The following PTPRT variants were observed in gnomAD, a reference collection of about 807,000 sequenced individuals.
The protein encoded by PTPRT is receptor-type tyrosine-protein phosphatase T.
PTPRT carries 56 observed loss-of-function variants against 176.8 expected under a neutral mutation model. The observed-to-expected ratio is 0.32, with a 90% confidence interval of 0.26 to 0.40. PTPRT has a LOEUF of 0.40. Ranked by LOEUF, PTPRT falls within the 10% of genes least tolerant of loss-of-function variation. The pLI, the probability that PTPRT is intolerant of heterozygous loss-of-function variation, is 1.00. For synonymous variants in PTPRT, 783 were observed against 739.0 expected (o/e 1.06, Z -0.96); for missense variants, 1,540 against 1,908.2 (o/e 0.81, Z 3.60).
chr20:42,903,163 T>C (rs1203834756), intron 1 of PTPRT, among the ~76,000 whole-genome samples: 3 of 152,248 alleles, frequency 2.0e-5, no homozygotes, highest in African/African-American at 7.2e-5. Flanking sequence ...TAATCTTTGC[T>C]AGGCATCAGG....
At chr20:42,938,607 T>C (rs1454699101) in intron 1 of PTPRT, among the ~76,000 whole-genome samples, 2 of 152,136 alleles carry the variant, frequency 1.3e-5, no homozygotes, top group South Asian at 2.1e-4. Flanking sequence ...GCCTTTCCCT[T>C]CCTCTCTTCC....
chr20:42,805,622 A>G (rs2077594816), intron 2 of PTPRT, among the ~76,000 whole-genome samples: 1 of 152,152 alleles, frequency 6.6e-6, no homozygotes, highest in Admixed American at 6.5e-5. Context: ...GCTCCTGTAG[A>G]CGCCCCCCAG....
At chr20:42,824,556 C>G (rs1033235206) in intron 2 of PTPRT, among the ~76,000 whole-genome samples, 9 of 151,840 alleles carry the variant, frequency 5.9e-5, no homozygotes, top group African/African-American at 2.2e-4. Context: ...TACTGATTAA[C>G]TATAGTATTT....
chr20:42,331,988 C>T (rs1394507686), intron 11 of PTPRT, among the ~76,000 whole-genome samples: 1 of 151,842 alleles, frequency 6.6e-6, no homozygotes, highest in East Asian at 1.9e-4. Context: ...TGGTACCCAA[C>T]TGTACTTGTC....
intron 2 of PTPRT, among the ~76,000 whole-genome samples, chr20:42,819,198 A>G (rs1466437205): frequency 6.6e-6 from 1 of 152,160 alleles, no homozygotes; most frequent in Non-Finnish European, 1.5e-5. Context: ...CTAACAGTGG[A>G]CCTCTGGGCA....
rs563245638 is a variant in PTPRT, at chr20:43,135,375, G to A, written c.88+54271C>T. Among the ~76,000 whole-genome samples the A allele has an allele frequency of 2.4e-4, 36 of 152,260 alleles. No homozygotes were observed. The South Asian group carries it at 7.5e-3, about 32-fold the overall frequency. ...TTCTGACAGATGTTCATGATAGTAT[G>A]TGGGGAAAAAAAGGAACAGATCATG... On this transcript the variant is annotated intron_variant, in intron 1 of 30. Coordinates refer to ENST00000373187, the MANE Select transcript of PTPRT (RefSeq NM_007050.6).
chr20:42,149,216 A>G (rs1247487328), intron 17 of PTPRT, among the ~76,000 whole-genome samples: 1 of 152,154 alleles, frequency 6.6e-6, no homozygotes, highest in Non-Finnish European at 1.5e-5. Context: ...TTCAGAGGGA[A>G]CAGCAAGTGC....
chr20:42,248,314 G>A (rs191359667), intron 14 of PTPRT, among the ~76,000 whole-genome samples: 192 of 152,298 alleles, frequency 1.3e-3, no homozygotes, highest in Non-Finnish European at 1.8e-3. Context: ...CTGCAACTGC[G>A]TTTCTGGACT....
chr20:42,948,799 A>G (rs1450402309), intron 1 of PTPRT, among the ~76,000 whole-genome samples: 1 of 152,170 alleles, frequency 6.6e-6, no homozygotes, highest in Non-Finnish European at 1.5e-5. Flanking sequence ...ATCATGGATA[A>G]CCAACAACCC....
intron 9 of PTPRT, among the ~76,000 whole-genome samples, chr20:42,361,087 G>A (rs775493498): frequency 3.3e-5 from 5 of 152,150 alleles, no homozygotes; most frequent in Non-Finnish European, 5.9e-5. Flanking sequence ...CATCCTGTGT[G>A]AACAGTTTCT....
rs527461829 is a variant in PTPRT at position 43,184,925 on chromosome 20, A to C, written c.88+4721T>G. ...CATTTCTGCCTCTACTGGCAAATAA[A>C]AGTGTCCAGCAGGACCATATGAAAT... On this transcript the variant is annotated intron_variant, in intron 1 of 30. Coordinates refer to ENST00000373187, the MANE Select transcript of PTPRT (RefSeq NM_007050.6). 2.0e-5 allele frequency among the ~76,000 whole-genome samples: 3 copies of C among 152,302 alleles called. No individual in the cohort carries two copies. In the South Asian group the frequency reaches 6.2e-4, roughly 32 times the overall value.
Position 42,756,526 on chromosome 20 carries a change from G to A in PTPRT, c.795C>T (p.Tyr265=), listed in dbSNP as rs756485603. 1.9e-6 allele frequency: 3 copies of A among 1,612,522 alleles called. No homozygotes were observed. Among genetic ancestry groups the A allele is most frequent in the South Asian group, 2.2e-5 (2 of 90,906 alleles). The change falls in exon 6 of 31, where the codon TAC becomes TAT. Residue 265 remains tyrosine (Y), a synonymous_variant. Transcript: ENST00000373187. ...CACCATCAGAGCGGATCACACAGCG[G>A]TACTTGCTGACGCTCCGCTGGGCAG... ...ADTAQRSVSK[Y]RCVIRSDGGS... is the part of the protein sequence containing the mutation.
At chr20:42,778,786 A>G (rs1382339879) in intron 4 of PTPRT, among the ~76,000 whole-genome samples, 4 of 152,074 alleles carry the variant, frequency 2.6e-5, no homozygotes, top group Non-Finnish European at 4.4e-5. Context: ...TACTACATAA[A>G]CCCTGCATAG....
intron 2 of PTPRT, among the ~76,000 whole-genome samples, chr20:42,810,168 C>G (rs1364896568): frequency 6.6e-6 from 1 of 152,046 alleles, no homozygotes; most frequent in African/African-American, 2.4e-5. Flanking sequence ...GCAGCGTGCA[C>G]CTGTAGTCCC....
chr20:42,366,180 T>C (rs1323330231), intron 9 of PTPRT, among the ~76,000 whole-genome samples: 1 of 152,204 alleles, frequency 6.6e-6, no homozygotes, highest in East Asian at 1.9e-4. Flanking sequence ...ACCTAATTAA[T>C]GCTGAAGGTC....
chr20:42,552,680 T>G (rs976651437), intron 7 of PTPRT, among the ~76,000 whole-genome samples: 1 of 152,158 alleles, frequency 6.6e-6, no homozygotes, highest in African/African-American at 2.4e-5. Context: ...TGGAAAATAT[T>G]TGCCATGCAT....
chr20:42,411,847 CA>C (rs3092295), intron 9 of PTPRT, among the ~76,000 whole-genome samples: 101,935 of 150,144 alleles, frequency 0.68, 34,788 homozygotes, highest in Admixed American at 0.77. Context: ...CAAATATCTA[CA>C]AAAAAAAAAA....
intron 12 of PTPRT, among the ~76,000 whole-genome samples, chr20:42,314,954 A>G (rs1042728466): frequency 2.0e-5 from 3 of 152,202 alleles, no homozygotes; most frequent in Non-Finnish European, 4.4e-5. Flanking sequence ...GTGTTGTAGT[A>G]TGGATAGAAC....
chr20:42,375,012 T>G (rs1450804033), intron 9 of PTPRT, among the ~76,000 whole-genome samples: 5 of 152,258 alleles, frequency 3.3e-5, no homozygotes, highest in Non-Finnish European at 7.3e-5. Flanking sequence ...TCCACCAGGA[T>G]TATTGTAATT....
Sources: gnomAD v4.1 joint callset for allele counts (sites outside exome capture counted in the v4.1 genomes callset) on GRCh38, gnomAD v4.1.1 for gene constraint, MANE v1.5 for transcripts, NCBI Gene and HGNC (gene_info 2026-07-23, HGNC 2026-07-21) for gene names.